DAGLA: variants seen among roughly 807,000 people sequenced by gnomAD.
DAGLA encodes the protein diacylglycerol lipase-alpha.
A neutral mutation model predicts 102.6 loss-of-function variants in DAGLA; 22 were observed. The ratio of observed to expected loss-of-function variants is 0.21; its 90% CI spans 0.15 to 0.31. The LOEUF (loss-of-function observed/expected upper bound fraction) is 0.31, where lower values mean the gene tolerates loss of function less well. Ranked by LOEUF, DAGLA falls within the 10% of genes least tolerant of loss-of-function variation. The pLI is 1.00. For synonymous variants in DAGLA, 578 were observed against 628.9 expected (o/e 0.92, Z 1.21); for missense variants, 927 against 1,446.6 (o/e 0.64, Z 5.83).
intron 3 of DAGLA, among the ~76,000 whole-genome samples, chr11:61,722,235 A>C (rs1283273110): frequency 6.6e-6 from 1 of 152,238 alleles, no homozygotes; most frequent in Non-Finnish European, 1.5e-5. Context: ...AGATTAGGAA[A>C]CTTGCCTAAG....
At chr11:61,715,005 C>T (rs957523948) in intron 1 of DAGLA, among the ~76,000 whole-genome samples, 3 of 152,150 alleles carry the variant, frequency 2.0e-5, no homozygotes, top group African/African-American at 4.8e-5. Flanking sequence ...CCTGATAATT[C>T]GGAGGTAGGT....
chr11:61,725,203 G>T (rs763974834), intron 5 of DAGLA, among the ~76,000 whole-genome samples: 17 of 152,182 alleles, frequency 1.1e-4, no homozygotes, highest in Non-Finnish European at 2.1e-4. Context: ...TTTAATGTTG[G>T]ATCTGTTATC....
intron 6 of DAGLA, 134 bp downstream of exon 6, chr11:61,726,216 T>C: frequency 2.5e-6 from 2 of 790,704 alleles, no homozygotes; most frequent in South Asian, 1.4e-5. Flanking sequence ...TGAGCAAGTA[T>C]GGCCTGCTCA....
At chr11:61,709,667 G>C (rs963179082) in intron 1 of DAGLA, among the ~76,000 whole-genome samples, 7 of 152,136 alleles carry the variant, frequency 4.6e-5, no homozygotes, top group Admixed American at 4.6e-4. Flanking sequence ...TGCAGCCTGT[G>C]TGCCATTGGT....
At chr11:61,696,112 G>T (rs919094140) in intron 1 of DAGLA, among the ~76,000 whole-genome samples, 2 of 152,170 alleles carry the variant, frequency 1.3e-5, no homozygotes, top group African/African-American at 4.8e-5. Context: ...AAATGAGAGT[G>T]GGGGAGCCTG....
intron 5 of DAGLA, among the ~76,000 whole-genome samples, chr11:61,724,958 A>T (rs1321183562): frequency 2.6e-5 from 4 of 151,886 alleles, no homozygotes; most frequent in Non-Finnish European, 2.9e-5. Flanking sequence ...CCTTGTGGCC[A>T]TTTGCCTTAT....
At chr11:61,707,678 C>T (rs141457775) in intron 1 of DAGLA, among the ~76,000 whole-genome samples, 171 of 152,354 alleles carry the variant, frequency 1.1e-3, no homozygotes, top group African/African-American at 3.7e-3. Flanking sequence ...GAGCAGGCCT[C>T]GCAGGCTGTG....
At chr11:61,727,106 C>T (rs1297264600) in intron 6 of DAGLA, among the ~76,000 whole-genome samples, 2 of 152,226 alleles carry the variant, frequency 1.3e-5, no homozygotes, top group African/African-American at 2.4e-5. Flanking sequence ...ACAGCAGAGC[C>T]CCACGGCAAA....
intron 1 of DAGLA, among the ~76,000 whole-genome samples, chr11:61,701,126 G>A (rs1235625457): frequency 6.6e-6 from 1 of 152,220 alleles, no homozygotes; most frequent in African/African-American, 2.4e-5. Flanking sequence ...TGGATTCTCT[G>A]ACACCAAGCC....
At chr11:61,705,132 G>A (rs1226803417) in intron 1 of DAGLA, among the ~76,000 whole-genome samples, 1 of 152,220 alleles carries the variant, frequency 6.6e-6, no homozygotes, top group African/African-American at 2.4e-5. Flanking sequence ...GCAGCCCCAG[G>A]CCTCCGTTCT....
At position 61,728,149 on chromosome 11, in the gene DAGLA, G is replaced by A. The variant is rs749135795; in HGVS notation, c.637-4G>A. On this transcript the variant is annotated splice_region_variant and splice_polypyrimidine_tract_variant and intron_variant, in intron 6 of 19. Transcript: ENST00000257215. ...ACTGCCTCCTGCCTTCCTGGACCTC[G>A]TAGGATGCCTACTCAGAAATCGCCT... is the stretch of plus-strand genomic sequence containing the variant. 8.1e-6 allele frequency: 13 copies of A among 1,613,744 alleles called. No individual in the cohort carries two copies. Among genetic ancestry groups the A allele is most frequent in the Non-Finnish European group, 1.1e-5 (13 of 1,179,810 alleles).
intron 19 of DAGLA, among the ~76,000 whole-genome samples, chr11:61,742,128 AATGC>A (rs2065485586): frequency 6.6e-6 from 1 of 152,146 alleles, no homozygotes; most frequent in South Asian, 2.1e-4. Flanking sequence ...TGCTCATGGA[AATGC>A]ATGAATACAC....
At chr11:61,711,277 A>G (rs1424920610) in intron 1 of DAGLA, among the ~76,000 whole-genome samples, 1 of 152,218 alleles carries the variant, frequency 6.6e-6, no homozygotes, top group East Asian at 1.9e-4. Context: ...GGCCGCACCC[A>G]TCACAGAGGC....
intron 1 of DAGLA, among the ~76,000 whole-genome samples, chr11:61,681,074 G>C (rs2064938238): frequency 6.6e-6 from 1 of 152,090 alleles, no homozygotes; most frequent in African/African-American, 2.4e-5. Flanking sequence ...GGTGTGGTGC[G>C]GGGGGCTACC....
At chr11:61,727,716 G>A (rs1372009941) in intron 6 of DAGLA, among the ~76,000 whole-genome samples, 1 of 152,224 alleles carries the variant, frequency 6.6e-6, no homozygotes, top group Non-Finnish European at 1.5e-5. Flanking sequence ...GAGGCCTTAC[G>A]AGGGACTTCC....
chr11:61,697,481 C>T (rs573204428), intron 1 of DAGLA, among the ~76,000 whole-genome samples: 6 of 152,160 alleles, frequency 3.9e-5, no homozygotes, highest in Non-Finnish European at 7.4e-5. Flanking sequence ...GCCATTCCTG[C>T]GCAGGAGCAC....
intron 11 of DAGLA, 21 bp downstream of exon 11, chr11:61,735,665 AG>A: frequency 1.2e-6 from 2 of 1,613,382 alleles, no homozygotes; most frequent in South Asian, 2.2e-5. Context: ...CATGGCTCCC[AG>A]CCCCCGGGGG....
chr11:61,738,537 C>T (rs558456288), intron 16 of DAGLA, among the ~76,000 whole-genome samples: 7 of 152,202 alleles, frequency 4.6e-5, no homozygotes, highest in African/African-American at 1.4e-4. Context: ...CAGGAGAAAG[C>T]GATCTGGAGG....
At chr11:61,736,741 G>A (rs1229376423) in intron 13 of DAGLA, among the ~76,000 whole-genome samples, 1 of 152,222 alleles carries the variant, frequency 6.6e-6, no homozygotes, top group Admixed American at 6.5e-5. Flanking sequence ...GCCACGGTCT[G>A]TGCAGGTAGC....
Sources: gnomAD v4.1 joint callset for allele counts (sites outside exome capture counted in the v4.1 genomes callset) on GRCh38, gnomAD v4.1.1 for gene constraint, MANE v1.5 for transcripts, NCBI Gene and HGNC (gene_info 2026-07-23, HGNC 2026-07-21) for gene names.